Variants in PPA2 observed in about 807,000 individuals in gnomAD.
PPA2 encodes inorganic pyrophosphatase 2.
PPA2 carries 48 observed loss-of-function variants against 49.5 expected under a neutral mutation model. That is an observed-to-expected ratio of 0.97 (90% confidence interval 0.77 to 1.23). The LOEUF (loss-of-function observed/expected upper bound fraction) is 1.23, where lower values mean the gene tolerates loss of function less well. Among genes scored for constraint, PPA2 ranks in the 50% most tolerant of loss-of-function variants. The probability of loss-of-function intolerance (pLI) is 0.00; values close to 1 mark genes in which losing one functional copy is unlikely to be tolerated. For missense variants in PPA2, 429 were observed against 410.1 expected (o/e 1.05, Z -0.40); for synonymous variants, 131 against 139.9 (o/e 0.94, Z 0.45).
chr4:105,469,519 C>T (rs917721671), intron 1 of PPA2, among the ~76,000 whole-genome samples: 2 of 152,128 alleles, frequency 1.3e-5, no homozygotes, highest in South Asian at 2.1e-4. Flanking sequence ...TGATTACACA[C>T]GACTACAAAA....
chr4:105,387,452 G>A (rs1459323664), intron 9 of PPA2, among the ~76,000 whole-genome samples: 1 of 152,126 alleles, frequency 6.6e-6, no homozygotes, highest in African/African-American at 2.4e-5. Flanking sequence ...TCCCCCTCAA[G>A]TGGACCTAAG....
chr4:105,375,113 CTTAG>C (rs1214120157), intron 10 of PPA2, among the ~76,000 whole-genome samples: 2 of 151,980 alleles, frequency 1.3e-5, no homozygotes, highest in East Asian at 1.9e-4. Context: ...AGGTTCAATT[CTTAG>C]TTATTCATAA....
intron 6 of PPA2, among the ~76,000 whole-genome samples, chr4:105,429,708 A>T (rs1723708396): frequency 6.6e-6 from 1 of 152,230 alleles, no homozygotes; most frequent in Admixed American, 6.5e-5. Context: ...ACCTGTATGT[A>T]CCATTACATA....
At chr4:105,387,806 C>G (rs572470449) in intron 9 of PPA2, among the ~76,000 whole-genome samples, 2 of 152,036 alleles carry the variant, frequency 1.3e-5, no homozygotes, top group Non-Finnish European at 2.9e-5. Flanking sequence ...GTCTTTTCTA[C>G]AGCTCATGTT....
At chr4:105,468,902 T>C (rs1723413970) in intron 1 of PPA2, among the ~76,000 whole-genome samples, 2 of 152,188 alleles carry the variant, frequency 1.3e-5, no homozygotes, top group South Asian at 2.1e-4. Context: ...TCCTATCTTA[T>C]ATCAACACAC....
intron 10 of PPA2, among the ~76,000 whole-genome samples, chr4:105,374,098 G>A (rs1234851030): frequency 6.6e-6 from 1 of 152,080 alleles, no homozygotes; most frequent in African/African-American, 2.4e-5. Flanking sequence ...CATTTTCATT[G>A]TAAGAAACTA....
At chr4:105,440,936 G>C (rs1340985341) in intron 5 of PPA2, among the ~76,000 whole-genome samples, 1 of 152,118 alleles carries the variant, frequency 6.6e-6, no homozygotes, top group Non-Finnish European at 1.5e-5. Context: ...TACCAGACTG[G>C]TTCTCTTTAT....
At chr4:105,411,322 A>C (rs1233562060) in intron 7 of PPA2, among the ~76,000 whole-genome samples, 1 of 152,256 alleles carries the variant, frequency 6.6e-6, no homozygotes, top group Non-Finnish European at 1.5e-5. Context: ...GAAGGCCATT[A>C]CATAACAGTA....
chr4:105,404,641 A>T (rs2636746), intron 7 of PPA2, among the ~76,000 whole-genome samples: 56,796 of 152,038 alleles, frequency 0.37, 12,555 homozygotes, highest in East Asian at 0.67. Context: ...GGGATTAAAT[A>T]ATGGGTGAAA....
At chr4:105,389,144 A>T (rs1384973705) in intron 9 of PPA2, among the ~76,000 whole-genome samples, 1 of 152,140 alleles carries the variant, frequency 6.6e-6, no homozygotes, top group African/African-American at 2.4e-5. Context: ...TGAATGTTTA[A>T]AAGTGTAATA....
intron 7 of PPA2, chr4:105,406,046 T>C (rs1722455657): frequency 6.1e-6 from 1 of 162,788 alleles, no homozygotes; most frequent in Admixed American, 6.6e-5. Context: ...TTCAGGACTT[T>C]CAGGAAACAT....
At chr4:105,433,614 G>T (rs114985364) in intron 6 of PPA2, among the ~76,000 whole-genome samples, 1,788 of 152,270 alleles carry the variant, frequency 0.012, 45 homozygotes, top group African/African-American at 0.041. Context: ...GAAATATAAT[G>T]ACAACACTGT....
At chr4:105,464,607 G>A (rs1723226281) in intron 1 of PPA2, among the ~76,000 whole-genome samples, 1 of 152,186 alleles carries the variant, frequency 6.6e-6, no homozygotes, top group South Asian at 2.1e-4. Context: ...CCCACATGTT[G>A]TGGGAGGAAT....
chr4:105,380,086 TA>T (rs749545455), intron 10 of PPA2, among the ~76,000 whole-genome samples: 2 of 152,218 alleles, frequency 1.3e-5, no homozygotes, highest in Non-Finnish European at 2.9e-5. Context: ...TTTATTGCCT[TA>T]TTGCACTGGC....
At chr4:105,426,863 T>C (rs1391491903) in intron 6 of PPA2, among the ~76,000 whole-genome samples, 1 of 152,214 alleles carries the variant, frequency 6.6e-6, no homozygotes, top group Non-Finnish European at 1.5e-5. Context: ...TCTTCCAGCA[T>C]GGCATTTGAG....
chr4:105,402,286 A>G (rs568502933), intron 7 of PPA2, among the ~76,000 whole-genome samples: 9 of 152,234 alleles, frequency 5.9e-5, no homozygotes, highest in African/African-American at 2.2e-4. Context: ...TGGGTAAGAA[A>G]ACAGTTAAAC....
rs1578875857 is a variant in PPA2, at chr4:105,451,503, T to C, written c.267+2095A>G. Among the ~76,000 whole-genome samples, 6 of 152,362 alleles carry C rather than the reference T, an allele frequency of 3.9e-5. No homozygotes were observed. The South Asian group carries it at 1.2e-3, about 32-fold the overall frequency. Reference sequence around the variant, plus strand: ...ACAGTCCTGCTGTTATGTTTCATTTTCTATGCTCTTTCATGAGGTACCCCT... The same window carrying C: ...ACAGTCCTGCTGTTATGTTTCATTTCCTATGCTCTTTCATGAGGTACCCCT... On this transcript the variant is annotated intron_variant, in intron 3 of 11. Transcript: ENST00000341695.
chr4:105,418,931 C>A (rs1560622040), intron 7 of PPA2, among the ~76,000 whole-genome samples: 1 of 152,186 alleles, frequency 6.6e-6, no homozygotes, highest in Non-Finnish European at 1.5e-5. Context: ...AAAAATTACA[C>A]ATGCCCTAGC....
chr4:105,382,397 C>T (rs1733524541), intron 10 of PPA2, among the ~76,000 whole-genome samples: 1 of 152,072 alleles, frequency 6.6e-6, no homozygotes, highest in South Asian at 2.1e-4. Context: ...TTGTTTGAAT[C>T]TTCTCAACAT....
Sources: gnomAD v4.1 joint callset for allele counts (sites outside exome capture counted in the v4.1 genomes callset) on GRCh38, gnomAD v4.1.1 for gene constraint, MANE v1.5 for transcripts, NCBI Gene and HGNC (gene_info 2026-07-23, HGNC 2026-07-21) for gene names.